Variants in CLDN14 observed in about 807,000 individuals in gnomAD.
The protein encoded by CLDN14 is claudin 14.
In CLDN14, 2 loss-of-function variants were observed where a neutral mutation model predicts 2.1. The observed-to-expected ratio is 0.96, with a 90% CI of 0.39 to 3.01. The LOEUF (loss-of-function observed/expected upper bound fraction) is 3.01. Among genes scored for constraint, CLDN14 ranks in the 30% most tolerant of loss-of-function variants. The pLI is 0.09. For synonymous variants in CLDN14, 136 were observed against 154.4 expected (o/e 0.88, Z 0.88); for missense variants, 298 against 328.0 (o/e 0.91, Z 0.71).
At chr21:36,503,180 A>C (rs1447212080) in intron 2 of CLDN14, among the ~76,000 whole-genome samples, 1 of 152,176 alleles carries the variant, frequency 6.6e-6, no homozygotes, top group African/African-American at 2.4e-5. Context: ...CAGCCTCCCA[A>C]GTAGCTGAGA....
intron 1 of CLDN14, among the ~76,000 whole-genome samples, chr21:36,553,444 G>A (rs572828286): frequency 2.5e-4 from 38 of 152,192 alleles, no homozygotes; most frequent in Admixed American, 2.1e-3. Flanking sequence ...TGCAGTATAC[G>A]CCTTCCGGTG....
At chr21:36,462,917 C>CA (rs1035556751) in intron 1 of CLDN14, among the ~76,000 whole-genome samples, 2 of 130,262 alleles carry the variant, frequency 1.5e-5, no homozygotes, top group Non-Finnish European at 3.2e-5. Context: ...GACTCCGTCT[C>CA]AAAAAAACAA....
chr21:36,508,771 A>C (rs1318126097), intron 2 of CLDN14, among the ~76,000 whole-genome samples: 1 of 152,226 alleles, frequency 6.6e-6, no homozygotes, highest in East Asian at 1.9e-4. Context: ...CACAAGTTGG[A>C]GAGACAATGG....
At chr21:36,530,896 A>G (rs1353431172) in intron 1 of CLDN14, among the ~76,000 whole-genome samples, 1 of 152,230 alleles carries the variant, frequency 6.6e-6, no homozygotes, top group Non-Finnish European at 1.5e-5. Context: ...GTATTAAAAC[A>G]TAAGTTTGGG....
At chr21:36,464,689 G>C (rs1275027957) in intron 1 of CLDN14, among the ~76,000 whole-genome samples, 1 of 152,220 alleles carries the variant, frequency 6.6e-6, no homozygotes, top group Non-Finnish European at 1.5e-5. Context: ...CACACCGATG[G>C]CACCAGCTGA....
intron 1 of CLDN14, among the ~76,000 whole-genome samples, chr21:36,572,495 G>A (rs2087716883): frequency 6.6e-6 from 1 of 152,142 alleles, no homozygotes; most frequent in Non-Finnish European, 1.5e-5. Context: ...GGTCTTTGTA[G>A]CACCACACTT....
rs114438555 is a variant in CLDN14, at chr21:36,468,490, C to T, written c.-81-6714G>A. Among the ~76,000 whole-genome samples the T allele has an allele frequency of 5.3e-3, 801 of 152,054 alleles. 6 individuals carry two copies. Among genetic ancestry groups the T allele is most frequent in the African/African-American group, 0.018 (743 of 41,468 alleles). On this transcript the variant is annotated intron_variant, in intron 1 of 1. Coordinates refer to ENST00000399135, the MANE Select transcript of CLDN14 (RefSeq NM_001146079.2). Reference sequence around the variant, plus strand: ...TACTTGGAGGCTGAGGGAGGAGAATCGCTTGAAGGTTGCAGTGAGCTAAGA... The same window carrying T: ...TACTTGGAGGCTGAGGGAGGAGAATTGCTTGAAGGTTGCAGTGAGCTAAGA...
In CLDN14 at chr21:36,460,869, CA is replaced by C; in HGVS notation, c.*106del. 1 of 1,343,874 alleles carries C rather than the reference CA, an allele frequency of 7.4e-7. No individual in the cohort carries two copies. The highest frequency in any genetic ancestry group is 1.0e-6 in the Non-Finnish European group (1 of 967,818). The allele number at this position is 1,343,874 out of a possible 1,614,324, so 83.2% of individuals were successfully genotyped here. A position where few individuals can be genotyped will look rare whatever the true frequency, so the allele number is the denominator to read the frequency against. On this transcript the variant is annotated 3_prime_UTR_variant, in exon 2 of 2. Coordinates refer to ENST00000399135, the MANE Select transcript of CLDN14 (RefSeq NM_001146079.2). This position sits in a 1 kb window ranked among gnomAD's most constrained non-coding sequence, Gnocchi z 4.0. ...CGCATTCACATTATTTCCTTGGATA[CA>C]AAAATTGCCCAGAAGTAAACTTTGT...
rs2086972043 is a variant in CLDN14, at chr21:36,492,155, C to T, written c.-82+18208G>A. ...TCTGTCTCTAAAAAAAATGCAAGGG[C>T]CGGGCGCGGTGGCTCACGCCTGTAA... On this transcript the variant is annotated intron_variant, in intron 2 of 2. Transcript: ENST00000342108. Among the ~76,000 whole-genome samples, 3 of 124,760 alleles carry T rather than the reference C, an allele frequency of 2.4e-5. 1 individual carries two copies. The highest frequency in any genetic ancestry group is 1.1e-4 in the African/African-American group (3 of 26,968). 81.8% of individuals were successfully genotyped at this position (124,760 alleles called of 152,430 possible).
intron 1 of CLDN14, among the ~76,000 whole-genome samples, chr21:36,533,466 C>T (rs1010675878): frequency 7.9e-5 from 12 of 152,144 alleles, no homozygotes; most frequent in Admixed American, 2.6e-4. Flanking sequence ...TGTCCAGCAT[C>T]GAGAGTTTAA....
chr21:36,469,751 A>G (rs761190387), intron 1 of CLDN14, among the ~76,000 whole-genome samples: 2 of 152,236 alleles, frequency 1.3e-5, no homozygotes, highest in Non-Finnish European at 2.9e-5. Flanking sequence ...CACCATGACC[A>G]CAAAAATTAA....
chr21:36,519,294 CCTCAT>C (rs2087251156), intron 1 of CLDN14, among the ~76,000 whole-genome samples: 1 of 152,236 alleles, frequency 6.6e-6, no homozygotes, highest in Non-Finnish European at 1.5e-5. Context: ...GTTCTCATTT[CCTCAT>C]CTCATTCATT....
At chr21:36,511,992 C>T (rs1360640783) in intron 1 of CLDN14, among the ~76,000 whole-genome samples, 2 of 152,148 alleles carry the variant, frequency 1.3e-5, no homozygotes, top group African/African-American at 4.8e-5. Context: ...GTAACTGTTC[C>T]AGCTCAACAG....
chr21:36,465,389 G>A (rs2086632549), intron 1 of CLDN14, among the ~76,000 whole-genome samples: 1 of 152,224 alleles, frequency 6.6e-6, no homozygotes, highest in African/African-American at 2.4e-5. Flanking sequence ...CCATTAGGTT[G>A]CTATTTTTAA....
chr21:36,523,825 A>C (rs1337911251), intron 1 of CLDN14, among the ~76,000 whole-genome samples: 1 of 147,836 alleles, frequency 6.8e-6, no homozygotes, highest in Admixed American at 6.7e-5. Context: ...GAAAGAAAGA[A>C]AGAAAGAAAG....
At chr21:36,542,852 G>T (rs1019010256) in intron 1 of CLDN14, 1 of 154,130 alleles carries the variant, frequency 6.5e-6, no homozygotes, top group South Asian at 2.0e-4. Context: ...ACCTGCCCCT[G>T]CCCCTGTCCC....
chr21:36,566,700 G>A (rs140573272), intron 1 of CLDN14, among the ~76,000 whole-genome samples: 5 of 152,318 alleles, frequency 3.3e-5, no homozygotes, highest in East Asian at 1.9e-4. Flanking sequence ...GTGCAAAAGC[G>A]TTTTCTTATG....
chr21:36,467,473 G>A (rs1431323854), intron 1 of CLDN14, among the ~76,000 whole-genome samples: 1 of 152,090 alleles, frequency 6.6e-6, no homozygotes, highest in South Asian at 2.1e-4. Context: ...AGTTCTTCAG[G>A]GTGTGTGCTG....
At chr21:36,542,079 TCC>T (rs987101533) in intron 1 of CLDN14, among the ~76,000 whole-genome samples, 12 of 152,246 alleles carry the variant, frequency 7.9e-5, no homozygotes, top group Non-Finnish European at 2.9e-5. Context: ...TGCCTCAGCC[TCC>T]CAAGTAGCTG....
Sources: allele counts gnomAD v4.1 joint callset (sites outside exome capture counted in the v4.1 genomes callset), GRCh38; gene constraint gnomAD v4.1.1; non-coding constraint Gnocchi (gnomAD v3.1); transcripts MANE v1.5; gene names NCBI Gene and HGNC (gene_info 2026-07-23, HGNC 2026-07-21).